Variants in WDR44 observed in about 807,000 individuals in gnomAD.
WDR44 encodes WD repeat domain 44.
Under a neutral mutation model 65.7 loss-of-function variants are expected in WDR44, and 9 were observed. That is an observed-to-expected ratio of 0.14 (90% CI 0.08 to 0.24). The LOEUF (loss-of-function observed/expected upper bound fraction) is 0.24. Among genes scored for constraint, WDR44 ranks in the 10% least tolerant of loss-of-function variants. WDR44 has a pLI of 1.00. For missense variants in WDR44, 425 were observed against 670.9 expected (o/e 0.63, Z 4.05); for synonymous variants, 220 against 235.2 (o/e 0.94, Z 0.59).
chrX:118,368,481 A>ATATATATATATATATATATATATAC (rs1377849821), intron 1 of WDR44, among the ~76,000 whole-genome samples: 1 of 95,289 alleles, frequency 1.0e-5, no homozygotes, highest in Admixed American at 1.2e-4. Context: ...ATATATATAT[A>ATATATATATATATATATATATATAC]CTTCTTGAGG....
intron 8 of WDR44, among the ~76,000 whole-genome samples, chrX:118,402,435 CAAAAAAA>C (rs758497932): frequency 4.2e-4 from 6 of 14,431 alleles, no homozygotes; most frequent in African/African-American, 2.2e-3. Flanking sequence ...AACTCTGTCT[CAAAAAAA>C]AAAAAAAAAA....
At chrX:118,427,297 G>C (rs949021790) in intron 12 of WDR44, among the ~76,000 whole-genome samples, 1 of 103,000 alleles carries the variant, frequency 9.7e-6, no homozygotes, top group African/African-American at 3.6e-5. Flanking sequence ...TGGGGACGGA[G>C]TCTTGCTCTG....
intron 2 of WDR44, among the ~76,000 whole-genome samples, chrX:118,381,647 A>G (rs1251208749): frequency 1.0e-5 from 1 of 97,519 alleles, no homozygotes; most frequent in Non-Finnish European, 2.0e-5. Flanking sequence ...ATCTTGGCTC[A>G]CTGCAACCTC....
chrX:118,410,092 A>G (rs2057000346), intron 11 of WDR44, among the ~76,000 whole-genome samples: 1 of 112,471 alleles, frequency 8.9e-6, no homozygotes, highest in African/African-American at 3.2e-5. Flanking sequence ...ACTGATTACA[A>G]CTATGTACAG....
At chrX:118,346,650 A>G in intron 1 of WDR44, 70 bp downstream of exon 1, 2 of 866,582 alleles carry the variant, frequency 2.3e-6, no homozygotes, top group African/African-American at 2.1e-5. Flanking sequence ...TCTTCCCCCT[A>G]CACCCCTCCC....
chrX:118,398,327 C>T, intron 7 of WDR44, 60 bp from the exon 8 acceptor site: 1 of 992,739 alleles, frequency 1.0e-6, no homozygotes, highest in Non-Finnish European at 1.4e-6. Flanking sequence ...TAAGTATAAA[C>T]AGATTTTTAA....
chrX:118,346,694 C>A, intron 1 of WDR44, 114 bp downstream of exon 1: 1 of 591,242 alleles, frequency 1.7e-6, no homozygotes, highest in South Asian at 3.3e-5. Context: ...CTGTTCCTCC[C>A]CGTCTCACTG....
Position 118,448,876 on chromosome X carries a change from T to A in WDR44, c.2648-17T>A. The A allele has an allele frequency of 9.1e-7, 1 of 1,098,463 alleles. No homozygotes were observed. The highest frequency in any genetic ancestry group is 1.2e-6 in the Non-Finnish European group (1 of 819,153). 90.5% of individuals were successfully genotyped at this position (1,098,463 alleles called of 1,213,427 possible). On this transcript the variant is annotated splice_polypyrimidine_tract_variant and intron_variant, in intron 19 of 19. Coordinates refer to ENST00000254029, the MANE Select transcript of WDR44 (RefSeq NM_019045.5). ...TCCTTTAAAAATCAACTTAAAACTATTTTTTATACTTTTAAGGTATTATGA... is the reference window on the plus strand; with the variant it reads ...TCCTTTAAAAATCAACTTAAAACTAATTTTTATACTTTTAAGGTATTATGA...
rs754625815 is a variant in WDR44, at chrX:118,405,284, C to T, written c.1381+840C>T. ...CTCCTGACCTCAGGTGATCCACCCA[C>T]TTCTACCTCCCAAAATGCTGGAATT... On this transcript the variant is annotated intron_variant, in intron 9 of 19. Coordinates refer to ENST00000254029, the MANE Select transcript of WDR44 (RefSeq NM_019045.5). Among the ~76,000 whole-genome samples, 4 of 110,615 alleles carry T rather than the reference C, an allele frequency of 3.6e-5. No individual in the cohort carries two copies. In the South Asian group the frequency reaches 1.5e-3, roughly 43 times the overall value.
intron 2 of WDR44, among the ~76,000 whole-genome samples, chrX:118,380,657 T>C (rs956501301): frequency 7.1e-5 from 8 of 111,999 alleles, no homozygotes; most frequent in African/African-American, 2.6e-4. Flanking sequence ...AGGCTTGATA[T>C]AGTTCTGATT....
rs777733849 is a variant in WDR44, at chrX:118,364,379, T to C, written c.78-14040T>C. On this transcript the variant is annotated intron_variant, in intron 1 of 19. Coordinates refer to ENST00000254029, the MANE Select transcript of WDR44 (RefSeq NM_019045.5). Reference sequence around the variant, plus strand: ...CTATTCCAGAAAGCCTATCCAAATATGTCCTCTTCTCCCACTTACATACAC... The same window carrying C: ...CTATTCCAGAAAGCCTATCCAAATACGTCCTCTTCTCCCACTTACATACAC... 6.6e-4 allele frequency among the ~76,000 whole-genome samples: 74 copies of C among 112,449 alleles called. 1 individual carries two copies. Among genetic ancestry groups the C allele is most frequent in the Middle Eastern group, 4.6e-3 (1 of 216 alleles).
chrX:118,387,483 C>A, intron 3 of WDR44, 69 bp downstream of exon 3: 1 of 750,060 alleles, frequency 1.3e-6, no homozygotes, highest in Non-Finnish European at 1.9e-6. Context: ...TTTCAAACAG[C>A]TTTTATATTC....
chrX:118,363,707 ATAAGT>A (rs2056530925), intron 1 of WDR44, among the ~76,000 whole-genome samples: 1 of 112,009 alleles, frequency 8.9e-6, no homozygotes, highest in Non-Finnish European at 1.9e-5. Context: ...ATTTTAAAAG[ATAAGT>A]TAAAACAGAC....
At chrX:118,397,304 A>T (rs1470920678) in intron 7 of WDR44, among the ~76,000 whole-genome samples, 198 bp downstream of exon 7, 1 of 111,340 alleles carries the variant, frequency 9.0e-6, no homozygotes, top group African/African-American at 3.3e-5. Context: ...AAAATAGTAT[A>T]AATATTAAAT....
intron 13 of WDR44, among the ~76,000 whole-genome samples, chrX:118,433,326 A>G (rs1273720773): frequency 5.4e-5 from 6 of 111,309 alleles, no homozygotes; most frequent in African/African-American, 1.6e-4. Flanking sequence ...GGAGCACTGT[A>G]TGTTCTAGAT....
At chrX:118,352,906 C>T (rs2056427240) in intron 1 of WDR44, among the ~76,000 whole-genome samples, 1 of 111,353 alleles carries the variant, frequency 9.0e-6, no homozygotes, top group African/African-American at 3.3e-5. Context: ...AGACAAATCC[C>T]ATCATTTTGA....
At chrX:118,423,222 G>A (rs1036637754) in intron 12 of WDR44, among the ~76,000 whole-genome samples, 3 of 110,540 alleles carry the variant, frequency 2.7e-5, no homozygotes, top group African/African-American at 9.9e-5. Flanking sequence ...AGGCTGGAGT[G>A]CAGTGGCACA....
rs757178885 is a variant in WDR44, at chrX:118,392,642, G to T, written c.197G>T (p.Ser66Ile). ...TAACCCTTTCATCAGATTATTGAAA[G>T]TATTATTGAGGAGAGTCAGAAAGTA... ...KQDVSKKIIE[S>I]IIEESQKVLQ... Residue 66 changes from serine to isoleucine, a missense_variant, in exon 4 of 20, where the codon AGT (serine) becomes ATT (isoleucine). Coordinates refer to ENST00000254029, the MANE Select transcript of WDR44 (RefSeq NM_019045.5). The T allele has an allele frequency of 4.7e-5, 56 of 1,188,396 alleles. No individual in the cohort carries two copies. In the South Asian group the frequency reaches 8.2e-4, roughly 17 times the overall value.
chrX:118,436,632 T>C (rs2057257539), intron 13 of WDR44, 70 bp from the exon 14 acceptor site: 1 of 1,129,267 alleles, frequency 8.9e-7, no homozygotes, highest in East Asian at 3.0e-5. Flanking sequence ...AACCAAAAGT[T>C]CACTTTTATT....
Sources: allele counts gnomAD v4.1 joint callset (sites outside exome capture counted in the v4.1 genomes callset), GRCh38; gene constraint gnomAD v4.1.1; transcripts MANE v1.5; gene names NCBI Gene and HGNC (gene_info 2026-07-23, HGNC 2026-07-21).